FNDC3A: variants seen among roughly 807,000 people sequenced by gnomAD.
The protein encoded by FNDC3A is fibronectin type III domain containing 3A, also known as fibronectin type-III domain-containing protein 3A.
In FNDC3A, 32 loss-of-function variants were observed where a neutral mutation model predicts 148.9. The observed-to-expected ratio is 0.21, with a 90% confidence interval of 0.16 to 0.29. FNDC3A has a LOEUF of 0.29. FNDC3A is among the 10% of genes least tolerant of loss of function. The probability of loss-of-function intolerance (pLI) is 1.00; values close to 1 mark genes in which losing one functional copy is unlikely to be tolerated. For synonymous variants in FNDC3A, 472 were observed against 473.6 expected, an observed-to-expected ratio of 1.00 and a Z score of 0.04; for missense variants, 1,191 against 1,452.8, an observed-to-expected ratio of 0.82 and a Z score of 2.93.
At chr13:49,172,431 TCTTA>T (rs1884804160) in intron 11 of FNDC3A, among the ~76,000 whole-genome samples, 1 of 152,162 alleles carries the variant, frequency 6.6e-6, no homozygotes, top group South Asian at 2.1e-4. Flanking sequence ...CACATTATTC[TCTTA>T]CTTTTCTGGA....
chr13:49,021,007 A>G (rs1482494055), intron 2 of FNDC3A, among the ~76,000 whole-genome samples: 2 of 152,232 alleles, frequency 1.3e-5, no homozygotes, highest in Non-Finnish European at 2.9e-5. Context: ...TAGTCAGGGT[A>G]GTGAAGCCAT....
Position 49,089,740 on chromosome 13 carries a change from A to T in FNDC3A, c.175+14376A>T, listed in dbSNP as rs185514090. Among the ~76,000 whole-genome samples the T allele has an allele frequency of 2.0e-3, 310 of 152,286 alleles. 2 individuals carry two copies. The highest frequency in any genetic ancestry group is 3.2e-3 in the Non-Finnish European group (221 of 68,030). On this transcript the variant is annotated intron_variant, in intron 3 of 25. Coordinates refer to ENST00000492622, the MANE Select transcript of FNDC3A (RefSeq NM_001079673.2). The stretch of plus-strand genomic sequence containing the variant: ...TCCAGATGAGAATACACCCTAGTTC[A>T]CGCTTCTTTTTTTGCCTTATGAGAC...
At chr13:49,080,104 TG>T (rs1878375218) in intron 3 of FNDC3A, among the ~76,000 whole-genome samples, 1 of 151,930 alleles carries the variant, frequency 6.6e-6, no homozygotes, top group African/African-American at 2.4e-5. Context: ...GCCCAATATT[TG>T]TTTCAAAAAA....
At chr13:49,176,124 T>A (rs1885018027) in intron 13 of FNDC3A, among the ~76,000 whole-genome samples, 1 of 152,236 alleles carries the variant, frequency 6.6e-6, no homozygotes, top group Admixed American at 6.5e-5. Flanking sequence ...GCATCAATGT[T>A]CATCAGGCAT....
At chr13:49,120,999 T>C (rs1881302686) in intron 4 of FNDC3A, among the ~76,000 whole-genome samples, 1 of 152,196 alleles carries the variant, frequency 6.6e-6, no homozygotes, top group South Asian at 2.1e-4. Context: ...GCTGACCTAA[T>C]AGACATCTAC....
intron 2 of FNDC3A, among the ~76,000 whole-genome samples, chr13:49,055,595 C>T (rs111779609): frequency 0.034 from 5,215 of 152,246 alleles, 278 homozygotes; most frequent in African/African-American, 0.11. Flanking sequence ...CTCCACAACC[C>T]CTTATCATAA....
intron 23 of FNDC3A, among the ~76,000 whole-genome samples, chr13:49,200,037 A>G (rs1886352126): frequency 6.6e-6 from 1 of 152,186 alleles, no homozygotes; most frequent in Admixed American, 6.5e-5. Flanking sequence ...TATATTCCAT[A>G]TAAGCAATGC....
intron 1 of FNDC3A, among the ~76,000 whole-genome samples, chr13:48,992,607 G>A (rs1593445946): frequency 1.3e-5 from 2 of 152,070 alleles, no homozygotes; most frequent in South Asian, 2.1e-4. Context: ...GAGAGATGAC[G>A]GGTAAGTTCA....
intron 5 of FNDC3A, among the ~76,000 whole-genome samples, chr13:49,135,790 T>C (rs2137938394): frequency 6.6e-6 from 1 of 152,314 alleles, no homozygotes; most frequent in African/African-American, 2.4e-5. Context: ...AACCTTGAGT[T>C]TATAGTATCT....
At chr13:49,136,683 G>A (rs957603038) in intron 6 of FNDC3A, 82 bp downstream of exon 6, 1 of 1,353,494 alleles carries the variant, frequency 7.4e-7, no homozygotes, top group Non-Finnish European at 1.0e-6. Flanking sequence ...TAACCTTTCA[G>A]TCATTTTGTC....
At chr13:49,087,705 T>C (rs973249798) in intron 3 of FNDC3A, among the ~76,000 whole-genome samples, 8 of 152,180 alleles carry the variant, frequency 5.3e-5, no homozygotes. Flanking sequence ...GAATTATGTA[T>C]CTAAGGCAGT....
chr13:49,005,325 C>T (rs915471189), intron 1 of FNDC3A, among the ~76,000 whole-genome samples: 3 of 151,720 alleles, frequency 2.0e-5, no homozygotes, highest in Non-Finnish European at 4.4e-5. Context: ...TTTTATTTTT[C>T]AATATAGATT....
chr13:49,116,637 TTAGCTGGTCATGG>T (rs1880980660), intron 4 of FNDC3A, among the ~76,000 whole-genome samples: 1 of 152,006 alleles, frequency 6.6e-6, no homozygotes, highest in Non-Finnish European at 1.5e-5. Context: ...AATACAAAAA[TTAGCTGGTCATGG>T]TAGCAGGTGC....
At chr13:48,992,216 A>G (rs1951934677) in intron 1 of FNDC3A, among the ~76,000 whole-genome samples, 1 of 152,216 alleles carries the variant, frequency 6.6e-6, no homozygotes, top group African/African-American at 2.4e-5. Context: ...TTAAAACAGG[A>G]GAAAATCTCT....
chr13:49,015,403 CTGT>C (rs753765333), intron 2 of FNDC3A, among the ~76,000 whole-genome samples: 6 of 152,222 alleles, frequency 3.9e-5, no homozygotes, highest in Middle Eastern at 3.4e-3. Context: ...CTCTGTTTGT[CTGT>C]TGTTGGTGTA....
rs1286006127 is a variant in FNDC3A at position 49,201,712 on chromosome 13, A to C, written c.2988-88A>C. On this transcript the variant is annotated intron_variant, in intron 23 of 25. Coordinates refer to ENST00000492622, the MANE Select transcript of FNDC3A (RefSeq NM_001079673.2). ...CTTATCACTCCTAAATAATGTTCAT[A>C]ACTGTGTTTTTATACTAGTTTGTAA... The C allele has an allele frequency of 5.0e-6, 3 of 599,300 alleles. No individual in the cohort carries two copies. In the African/African-American group the frequency reaches 5.7e-5, roughly 11 times the overall value. 37.1% of individuals were successfully genotyped at this position (599,300 alleles called of 1,614,324 possible). A position where few individuals can be genotyped will look rare whatever the true frequency, so the allele number is the denominator to read the frequency against.
In FNDC3A at chr13:49,181,626, C is replaced by G. The variant is rs545465422; in HGVS notation, c.1617+2972C>G. ...AACCCAGCTTGAGGGCATTTTGAAT[C>G]ATTAAATCCTATTGTTGTGTCTTGG... On this transcript the variant is annotated intron_variant, in intron 14 of 25. Coordinates refer to ENST00000492622, the MANE Select transcript of FNDC3A (RefSeq NM_001079673.2). 5.9e-5 allele frequency among the ~76,000 whole-genome samples: 9 copies of G among 152,262 alleles called. No individual in the cohort carries two copies. In the South Asian group the frequency reaches 1.5e-3, roughly 25 times the overall value.
intron 2 of FNDC3A, among the ~76,000 whole-genome samples, chr13:49,031,584 T>C (rs1874122595): frequency 6.6e-6 from 1 of 152,068 alleles, no homozygotes; most frequent in African/African-American, 2.4e-5. Context: ...TATCCACATG[T>C]AAAAGTATGA....
chr13:49,045,593 AAATGAGAAGGC>A, intron 2 of FNDC3A: 2 of 479,448 alleles, frequency 4.2e-6, no homozygotes, highest in Non-Finnish European at 7.4e-6. Flanking sequence ...ATACTCTCTT[AAATGAGAAGGC>A]AACAAAGGTG....
Sources: allele counts gnomAD v4.1 joint callset (sites outside exome capture counted in the v4.1 genomes callset), GRCh38; gene constraint gnomAD v4.1.1; transcripts MANE v1.5; gene names NCBI Gene and HGNC (gene_info 2026-07-23, HGNC 2026-07-21).